The following TNFSF4 variants were observed in gnomAD, a reference collection of about 807,000 sequenced individuals.
TNFSF4 encodes tumor necrosis factor ligand superfamily member 4.
TNFSF4 carries 4 observed loss-of-function variants against 7.3 expected under a neutral mutation model. The ratio of observed to expected loss-of-function variants is 0.55; its 90% CI spans 0.27 to 1.25. The LOEUF is 1.25. Among genes scored for constraint, TNFSF4 ranks in the 50% most tolerant of loss-of-function variants. The pLI is 0.12. For missense variants in TNFSF4, 181 were observed against 208.8 expected (o/e 0.87, Z 0.82); for synonymous variants, 76 against 83.7 (o/e 0.91, Z 0.50).
chr1:173,431,447 T>C, the TNFSF4 span, among the ~76,000 whole-genome samples: 10 of 152,188 alleles, frequency 6.6e-5, no homozygotes, highest in Non-Finnish European at 1.5e-4. Context: ...TGTTGGGCCT[T>C]GGGCCCTGCT....
chr1:173,186,603 A>C lies in TNFSF4; in HGVS notation c.465T>G (p.Thr155=). 6.2e-7 allele frequency: 1 copy of C among 1,614,194 alleles called. No homozygotes were observed. Among genetic ancestry groups the C allele is most frequent in the Admixed American group, 1.7e-5 (1 of 60,022 alleles). The part of the protein sequence containing the change: ...YKDKVYLNVT[T]DNTSLDDFHV... ...GGAAGTCATCCAGGGAGGTATTGTC[A>C]GTGGTCACATTCAAGTAGACTTTGT... Residue 155 remains threonine, a synonymous_variant, in exon 3 of 3, where the codon ACT becomes ACG. Transcript: ENST00000281834.
the TNFSF4 span, among the ~76,000 whole-genome samples, chr1:173,382,647 C>T: frequency 6.6e-6 from 1 of 152,178 alleles, no homozygotes; most frequent in African/African-American, 2.4e-5. Flanking sequence ...GGACGTTTAA[C>T]CTACAGTGTT....
chr1:173,286,020 A>G, the TNFSF4 span, among the ~76,000 whole-genome samples: 3 of 152,204 alleles, frequency 2.0e-5, no homozygotes, highest in Non-Finnish European at 4.4e-5. Context: ...TAAAATATTC[A>G]GTTTATCTGG....
chr1:173,251,779 T>C, the TNFSF4 span, among the ~76,000 whole-genome samples: 1 of 152,212 alleles, frequency 6.6e-6, no homozygotes, highest in African/African-American at 2.4e-5. Context: ...GTTCTTATGG[T>C]TATTGTGATC....
chr1:173,341,206 T>C, the TNFSF4 span, among the ~76,000 whole-genome samples: 2 of 152,168 alleles, frequency 1.3e-5, no homozygotes, highest in East Asian at 1.9e-4. Flanking sequence ...TATTTTTTCA[T>C]AGCAGCATGA....
chr1:173,391,439 A>C, the TNFSF4 span, among the ~76,000 whole-genome samples: 1 of 9,130 alleles, frequency 1.1e-4, no homozygotes, highest in Non-Finnish European at 2.1e-4. Context: ...AGAAAGCAAA[A>C]AAAAAAAAAA....
chr1:173,181,649 T>C (rs1355083188), downstream of TNFSF4, among the ~76,000 whole-genome samples: 4 of 152,194 alleles, frequency 2.6e-5, no homozygotes. Flanking sequence ...GTTCCCTCCC[T>C]GAATGCTACT....
chr1:173,188,648 T>C (rs907525720), intron 1 of TNFSF4, 79 bp from the exon 2 acceptor site: 5 of 1,243,284 alleles, frequency 4.0e-6, no homozygotes, highest in Non-Finnish European at 5.9e-6. Flanking sequence ...AATGGAACAG[T>C]GAAGCAGAAA....
chr1:173,373,048 C>G, the TNFSF4 span, among the ~76,000 whole-genome samples: 1 of 152,180 alleles, frequency 6.6e-6, no homozygotes, highest in African/African-American at 2.4e-5. Context: ...CTTACCTGAG[C>G]CTTAGAACGG....
chr1:173,408,774 G>A, the TNFSF4 span, among the ~76,000 whole-genome samples: 3 of 152,008 alleles, frequency 2.0e-5, no homozygotes, highest in African/African-American at 7.3e-5. Flanking sequence ...TTTTAGTAGA[G>A]ACGGGGGGTT....
Position 173,184,103 on chromosome 1 carries a change from C to T in TNFSF4, c.*2413G>A, listed in dbSNP as rs1649123083. The T allele has an allele frequency of 6.6e-6, 1 of 152,192 alleles. No homozygotes were observed. The highest frequency in any genetic ancestry group is 6.5e-5 in the Admixed American group (1 of 15,284). The allele number at this position is 152,192 out of a possible 1,614,324, so 9.4% of individuals were successfully genotyped here. On this transcript the variant is annotated 3_prime_UTR_variant, in exon 3 of 3. Coordinates refer to ENST00000281834, the MANE Select transcript of TNFSF4 (RefSeq NM_003326.5). ...CATAGACATTTAATATGTGCATTCA[C>T]AGATAACACTGTAAGCATAAGATTC...
At chr1:173,435,776 A>G in the TNFSF4 span, among the ~76,000 whole-genome samples, 2 of 152,236 alleles carry the variant, frequency 1.3e-5, no homozygotes, top group Admixed American at 6.5e-5. Context: ...GTTGCTTATG[A>G]AAGAAAAACT....
chr1:173,265,489 G>T, the TNFSF4 span, among the ~76,000 whole-genome samples: 1 of 152,164 alleles, frequency 6.6e-6, no homozygotes, highest in Non-Finnish European at 1.5e-5. Flanking sequence ...GCTATTTTAT[G>T]ATCATATATA....
chr1:173,262,117 A>C, the TNFSF4 span, among the ~76,000 whole-genome samples: 1 of 152,214 alleles, frequency 6.6e-6, no homozygotes, highest in Admixed American at 6.5e-5. Flanking sequence ...CAGTACATCA[A>C]AGAGCTTATC....
chr1:173,406,002 T>A, the TNFSF4 span, among the ~76,000 whole-genome samples: 3 of 152,200 alleles, frequency 2.0e-5, no homozygotes, highest in Non-Finnish European at 4.4e-5. Flanking sequence ...TAGAGTTTGA[T>A]CTCGACCCAC....
the TNFSF4 span, among the ~76,000 whole-genome samples, chr1:173,231,176 C>T: frequency 9.2e-4 from 140 of 152,328 alleles, no homozygotes; most frequent in Non-Finnish European, 1.7e-3. Context: ...CCCTGATGAA[C>T]ATCGATGCAG....
chr1:173,440,350 T>C, the TNFSF4 span: 3 of 152,214 alleles, frequency 2.0e-5, no homozygotes, highest in Non-Finnish European at 2.9e-5. Flanking sequence ...ACAGTATGTA[T>C]TAATTTCTAA....
intron 1 of TNFSF4, among the ~76,000 whole-genome samples, chr1:173,204,923 AAAC>A (rs1650116992): frequency 4.1e-5 from 6 of 147,678 alleles, no homozygotes; most frequent in Admixed American, 2.7e-4. Flanking sequence ...ACACACACAC[AAAC>A]ACACACACAC....
At chr1:173,300,515 C>G in the TNFSF4 span, among the ~76,000 whole-genome samples, 1 of 151,826 alleles carries the variant, frequency 6.6e-6, no homozygotes, top group Non-Finnish European at 1.5e-5. Context: ...CTGCAAGTTT[C>G]TCTCTCCATA....
Sources: gnomAD v4.1 joint callset for allele counts (sites outside exome capture counted in the v4.1 genomes callset) on GRCh38, gnomAD v4.1.1 for gene constraint, MANE v1.5 for transcripts, NCBI Gene and HGNC (gene_info 2026-07-23, HGNC 2026-07-21) for gene names.